Variants in C4orf50 observed in about 807,000 individuals in gnomAD.
C4orf50 encodes the protein uncharacterized protein C4orf50.
A neutral mutation model predicts 77.2 loss-of-function variants in C4orf50; 80 were observed. The ratio of observed to expected loss-of-function variants is 1.04; its 90% CI spans 0.87 to 1.25. C4orf50 has a LOEUF of 1.25. Among genes scored for constraint, C4orf50 ranks in the 50% most tolerant of loss-of-function variants. The pLI is 0.00. For synonymous variants in C4orf50, 532 were observed against 465.3 expected, an observed-to-expected ratio of 1.14 and a Z score of -1.84; for missense variants, 1,257 against 1,152.9, an observed-to-expected ratio of 1.09 and a Z score of -1.31.
At position 6,009,741 on chromosome 4, in the gene C4orf50, G is replaced by A. The variant is rs751263129; in HGVS notation, c.427-1209C>T. On this transcript the variant is annotated intron_variant, in intron 24 of 33. Transcript: ENST00000531445. The surrounding 1 kb of genome is among the most constrained non-coding windows in gnomAD (Gnocchi z 5.6). Reference sequence around the variant, plus strand: ...CAGGTGCAAAGGGCATGGAAAACTCGCTCAAGCACTCCTGCAAAACTCGCT... The same window carrying A: ...CAGGTGCAAAGGGCATGGAAAACTCACTCAAGCACTCCTGCAAAACTCGCT... Among the ~76,000 whole-genome samples the A allele has an allele frequency of 7.9e-5, 12 of 152,196 alleles. No homozygotes were observed. Among genetic ancestry groups the A allele is most frequent in the Non-Finnish European group, 1.6e-4 (11 of 68,028 alleles).
At chr4:6,006,381 A>T (rs1230900250) in intron 25 of C4orf50, among the ~76,000 whole-genome samples, 1 of 152,220 alleles carries the variant, frequency 6.6e-6, no homozygotes, top group East Asian at 1.9e-4. Context: ...GAGCTGAGTT[A>T]GTGCTTCCAT....
At chr4:5,912,824 C>A (rs186144979) in intron 7 of C4orf50, among the ~76,000 whole-genome samples, 1 of 152,282 alleles carries the variant, frequency 6.6e-6, no homozygotes, top group East Asian at 1.9e-4. Context: ...AAAATTGTTG[C>A]ATGCTCTGGG....
chr4:5,963,990 AC>A (rs1719409205), intron 33 of C4orf50, among the ~76,000 whole-genome samples: 1 of 151,286 alleles, frequency 6.6e-6, no homozygotes, highest in African/African-American at 2.4e-5. Context: ...GGTCTTTAGG[AC>A]CAAACCTGCA....
intron 25 of C4orf50, among the ~76,000 whole-genome samples, chr4:6,003,859 G>GT: frequency 3.0e-5 from 1 of 33,580 alleles, no homozygotes; most frequent in South Asian, 1.4e-3. Context: ...TGGTGATGAT[G>GT]GTGATGGTGA....
At chr4:5,975,851 CTT>C (rs753249919) in intron 30 of C4orf50, 46 bp downstream of exon 8, 9 of 1,404,620 alleles carry the variant, frequency 6.4e-6, no homozygotes, top group Non-Finnish European at 9.1e-6. Context: ...ACTAAACTCT[CTT>C]TTGTTTTGAA....
In C4orf50 at chr4:5,988,778, C is replaced by T. The variant is rs112659630; in HGVS notation, c.3268G>A (p.Glu1090Lys). The T allele has an allele frequency of 2.1e-5, 32 of 1,535,986 alleles. No individual in the cohort carries two copies. The Middle Eastern group carries it at 6.7e-4, about 32-fold the overall frequency. Residue 1090 changes from glutamate to lysine, a missense_variant, in exon 28 of 34, where the codon GAG becomes AAG. Physicochemically the swap from Glu to Lys is moderately conservative, Grantham distance 56. Coordinates refer to ENST00000531445, the Ensembl canonical transcript of C4orf50. Reference sequence around the variant, plus strand: ...ACATGGACCCTGCGTAGAAGGTGCTCGTTCTCCCCACTTAAGGCCCGGATC... The same window carrying T: ...ACATGGACCCTGCGTAGAAGGTGCTTGTTCTCCCCACTTAAGGCCCGGATC...
At chr4:5,982,748 T>G (rs568822569) in intron 28 of C4orf50, among the ~76,000 whole-genome samples, 3 of 151,580 alleles carry the variant, frequency 2.0e-5, no homozygotes, top group African/African-American at 7.3e-5. Flanking sequence ...GAGACACACA[T>G]GAGTAGGCTC....
Position 6,000,316 on chromosome 4 carries a change from C to T in C4orf50, c.964-5840G>A, listed in dbSNP as rs909085329. Among the ~76,000 whole-genome samples, 2 of 152,116 alleles carry T rather than the reference C, an allele frequency of 1.3e-5. No individual in the cohort carries two copies. Among genetic ancestry groups the T allele is most frequent in the African/African-American group, 4.8e-5 (2 of 41,408 alleles). ...CCAAGACATGAAGAGCCGCATCTGG[C>T]TTTGCAGTTCCTTATCGATGGGTTC... On this transcript the variant is annotated intron_variant, in intron 25 of 33. Coordinates refer to ENST00000531445, the Ensembl canonical transcript of C4orf50. The surrounding 1 kb of genome is among the most constrained non-coding windows in gnomAD (Gnocchi z 6.0).
intron 31 of C4orf50, among the ~76,000 whole-genome samples, chr4:5,972,162 G>C (rs142259375): frequency 0.013 from 2,006 of 151,976 alleles, 43 homozygotes; most frequent in African/African-American, 0.046. Flanking sequence ...ATGCCACCAC[G>C]CCTAGCTAAT....
At chr4:5,997,012 G>T (rs1031564523) in intron 25 of C4orf50, among the ~76,000 whole-genome samples, 1 of 152,220 alleles carries the variant, frequency 6.6e-6, no homozygotes. Context: ...AGGCATCAAA[G>T]AAACGAAGTG....
intron 25 of C4orf50, among the ~76,000 whole-genome samples, chr4:6,003,307 C>T (rs75925129): frequency 0.033 from 5,094 of 152,184 alleles, 139 homozygotes; most frequent in African/African-American, 0.074. Flanking sequence ...AGGATAAGCC[C>T]TCAGGAAAAA....
chr4:5,940,335 A>T (rs1340861689), intron 7 of C4orf50, among the ~76,000 whole-genome samples: 2 of 152,180 alleles, frequency 1.3e-5, no homozygotes, highest in East Asian at 3.9e-4. Flanking sequence ...TCATTATACT[A>T]TTATGGTTTT....
intron 7 of C4orf50, among the ~76,000 whole-genome samples, chr4:5,949,726 T>C (rs11938313): frequency 0.44 from 67,267 of 152,112 alleles, 16,748 homozygotes; most frequent in African/African-American, 0.67. Context: ...GTGGCTCACG[T>C]CTGTAATCCC....
rs1225520726 is a variant in C4orf50, at chr4:5,905,147, C to T, written c.*2475-6959G>A. On this transcript the variant is annotated intron_variant, in intron 7 of 7. Coordinates refer to the C4orf50 transcript ENST00000324058. This position sits in a 1 kb window ranked among gnomAD's most constrained non-coding sequence, Gnocchi z 5.4. Reference sequence around the variant, plus strand: ...AGGTAAGTTATTTGTGCACGGCGACCCAGCGTAGGAGCAGCAGAGCCGACA... The same window carrying T: ...AGGTAAGTTATTTGTGCACGGCGACTCAGCGTAGGAGCAGCAGAGCCGACA... 1 of 152,194 alleles carries T rather than the reference C, an allele frequency of 6.6e-6. No homozygotes were observed. Among genetic ancestry groups the T allele is most frequent in the African/African-American group, 2.4e-5 (1 of 41,442 alleles). 9.4% of individuals were successfully genotyped at this position (152,194 alleles called of 1,614,324 possible). A position where few individuals can be genotyped will look rare whatever the true frequency, so the allele number is the denominator to read the frequency against.
intron 33 of C4orf50, among the ~76,000 whole-genome samples, chr4:5,960,271 T>G (rs1389655004): frequency 2.6e-5 from 4 of 152,188 alleles, no homozygotes; most frequent in Non-Finnish European, 5.9e-5. Flanking sequence ...TGTGATCCCT[T>G]CACGACCAAC....
chr4:5,973,820 G>A (rs115926780), exon 31 of C4orf50: 21,299 of 1,612,370 alleles, frequency 0.013, 186 homozygotes, highest in Middle Eastern at 0.029. Flanking sequence ...CGGCACTTCC[G>A]GACGAGGGAA....
chr4:5,953,199 G>C (rs1718805005), downstream of C4orf50, among the ~76,000 whole-genome samples: 1 of 152,132 alleles, frequency 6.6e-6, no homozygotes, highest in African/African-American at 2.4e-5. Flanking sequence ...CCAGCCCTCT[G>C]CCTGAAGCAA....
intron 33 of C4orf50, among the ~76,000 whole-genome samples, chr4:5,960,974 C>G (rs949538170): frequency 8.5e-5 from 13 of 152,050 alleles, no homozygotes; most frequent in South Asian, 4.2e-4. Context: ...ATGGTAAAAC[C>G]CTGTTTATAC....
At chr4:5,984,832 T>C (rs1460826489) in intron 28 of C4orf50, among the ~76,000 whole-genome samples, 1 of 146,690 alleles carries the variant, frequency 6.8e-6, no homozygotes, top group Non-Finnish European at 1.5e-5. Context: ...AAGACAAAAA[T>C]ACACAAGTTC....
Sources: allele counts gnomAD v4.1 joint callset (sites outside exome capture counted in the v4.1 genomes callset), GRCh38; gene constraint gnomAD v4.1.1; non-coding constraint Gnocchi (gnomAD v3.1); transcripts MANE v1.5; gene names NCBI Gene and HGNC (gene_info 2026-07-23, HGNC 2026-07-21).